The following PRKG1 variants were observed in gnomAD, a reference collection of about 807,000 sequenced individuals.
The protein encoded by PRKG1 is cGMP-dependent protein kinase 1.
A neutral mutation model predicts 88.1 loss-of-function variants in PRKG1; 35 were observed. That is an observed-to-expected ratio of 0.40 (90% confidence interval 0.30 to 0.53). The LOEUF (loss-of-function observed/expected upper bound fraction) is 0.53. PRKG1 is among the 20% of genes least tolerant of loss of function. The pLI is 0.59. For missense variants in PRKG1, 540 were observed against 839.8 expected (o/e 0.64, Z 4.41); for synonymous variants, 303 against 292.5 (o/e 1.04, Z -0.37).
chr10:51,342,652 T>C (rs1249962886), intron 2 of PRKG1, among the ~76,000 whole-genome samples: 1 of 152,180 alleles, frequency 6.6e-6, no homozygotes, highest in Non-Finnish European at 1.5e-5. Flanking sequence ...GAGTCACTTC[T>C]ATACTCTCCT....
Position 52,017,063 on chromosome 10 carries a change from T to C in PRKG1, c.763-37421T>C, listed in dbSNP as rs566804004. On this transcript the variant is annotated intron_variant, in intron 5 of 17. Transcript: ENST00000373980. ...GTTTGTCTGAGGAACAAAAAGAAGG[T>C]TATAGTGACTGAAAAAGAGGGAGTG... Among the ~76,000 whole-genome samples the C allele has an allele frequency of 1.1e-4, 16 of 152,116 alleles. No individual in the cohort carries two copies. The East Asian group carries it at 2.9e-3, about 28-fold the overall frequency.
intron 1 of PRKG1, among the ~76,000 whole-genome samples, chr10:51,087,689 T>G (rs958563145): frequency 6.6e-6 from 1 of 152,204 alleles, no homozygotes; most frequent in Non-Finnish European, 1.5e-5. Context: ...GCATTCTCTT[T>G]TAGAGACTAG....
At chr10:51,755,514 C>T (rs965609801) in intron 3 of PRKG1, among the ~76,000 whole-genome samples, 4 of 152,096 alleles carry the variant, frequency 2.6e-5, no homozygotes, top group African/African-American at 9.7e-5. Context: ...ACAAACAAAC[C>T]CAAGAATAGC....
chr10:51,876,476 G>C (rs876129), intron 4 of PRKG1, among the ~76,000 whole-genome samples: 52,704 of 152,014 alleles, frequency 0.35, 10,475 homozygotes, highest in African/African-American at 0.51. Flanking sequence ...AATTTTCCTA[G>C]GGTAGGTCTT....
At chr10:51,893,624 G>A (rs1227740059) in intron 4 of PRKG1, among the ~76,000 whole-genome samples, 1 of 152,118 alleles carries the variant, frequency 6.6e-6, no homozygotes, top group Non-Finnish European at 1.5e-5. Flanking sequence ...CCCACTACAT[G>A]GCATGCTCTA....
chr10:51,327,913 A>C (rs1263056748), intron 2 of PRKG1, among the ~76,000 whole-genome samples: 1 of 152,232 alleles, frequency 6.6e-6, no homozygotes, highest in Non-Finnish European at 1.5e-5. Context: ...GTATATATAC[A>C]TTGTGGAATG....
chr10:51,158,715 C>T (rs1029442722), intron 2 of PRKG1, among the ~76,000 whole-genome samples: 1 of 151,928 alleles, frequency 6.6e-6, no homozygotes, highest in African/African-American at 2.4e-5. Context: ...CCTCTGTGTC[C>T]TTATGGTTTA....
chr10:51,036,939 G>A (rs1352822150), intron 1 of PRKG1, among the ~76,000 whole-genome samples: 1 of 152,098 alleles, frequency 6.6e-6, no homozygotes, highest in Non-Finnish European at 1.5e-5. Context: ...ATATCAGAGA[G>A]GATGAATTCT....
intron 2 of PRKG1, among the ~76,000 whole-genome samples, chr10:51,395,977 A>C (rs1837566544): frequency 2.0e-5 from 3 of 152,230 alleles, no homozygotes; most frequent in Non-Finnish European, 4.4e-5. Context: ...ATGAAATTAT[A>C]TGTTAAAGAA....
chr10:52,196,748 T>G (rs1160226059), intron 9 of PRKG1, among the ~76,000 whole-genome samples: 4 of 152,136 alleles, frequency 2.6e-5, no homozygotes, highest in African/African-American at 9.7e-5. Context: ...AAGTAGATAA[T>G]AATTATATAA....
intron 3 of PRKG1, among the ~76,000 whole-genome samples, chr10:51,778,332 C>A (rs1481094220): frequency 1.3e-5 from 2 of 152,124 alleles, no homozygotes; most frequent in East Asian, 3.9e-4. Context: ...TGATCTCCTG[C>A]TCAATACTGA....
intron 5 of PRKG1, among the ~76,000 whole-genome samples, chr10:51,941,292 A>G (rs1122615): frequency 0.18 from 27,361 of 151,874 alleles, 3,395 homozygotes; most frequent in East Asian, 0.35. Context: ...CAACTATGAG[A>G]CTTAAGAAAT....
chr10:52,157,709 A>C (rs577030498), intron 8 of PRKG1, among the ~76,000 whole-genome samples: 6 of 151,566 alleles, frequency 4.0e-5, no homozygotes, highest in Admixed American at 1.3e-4. Context: ...CACCATTCTT[A>C]GTGTGTAAGA....
rs1271275011 is a variant in PRKG1 at position 52,267,847 on chromosome 10, C to G, written c.1174-3503C>G. Among the ~76,000 whole-genome samples, 3 of 152,008 alleles carry G rather than the reference C, an allele frequency of 2.0e-5. No homozygotes were observed. In the East Asian group the frequency reaches 5.8e-4, roughly 29 times the overall value. ...CCATAATTTATTTTTCAAGCTCCTC[C>G]TCTTGCTAGAAATTTAGATTGTTTC... On this transcript the variant is annotated intron_variant, in intron 10 of 17. Coordinates refer to ENST00000373980, the MANE Select transcript of PRKG1 (RefSeq NM_006258.4).
Position 52,166,878 on chromosome 10 carries a change from TATAC to T in PRKG1, c.1076+4917_1076+4920del, listed in dbSNP as rs1330879398. On this transcript the variant is annotated intron_variant, in intron 9 of 17. Coordinates refer to ENST00000373980, the MANE Select transcript of PRKG1 (RefSeq NM_006258.4). ...ATATATATATCTGTATATGTGTATG[TATAC>T]ACACACACACACACACACACACACA... Among the ~76,000 whole-genome samples, 4 of 34,786 alleles carry T rather than the reference TATAC, an allele frequency of 1.1e-4. 1 individual carries two copies. The South Asian group carries it at 7.5e-3, about 65-fold the overall frequency. The allele number at this position is 34,786 out of a possible 152,430, so 22.8% of individuals were successfully genotyped here.
chr10:52,083,649 A>G (rs1589591820), intron 7 of PRKG1, among the ~76,000 whole-genome samples: 1 of 152,218 alleles, frequency 6.6e-6, no homozygotes, highest in South Asian at 2.1e-4. Context: ...GTTTTCTGAC[A>G]GACGCAAGGG....
chr10:52,136,750 T>C (rs1357864830), intron 8 of PRKG1, among the ~76,000 whole-genome samples: 4 of 152,076 alleles, frequency 2.6e-5, no homozygotes, highest in African/African-American at 9.6e-5. Context: ...ACTAAATAAA[T>C]ATGCCCTTCC....
At chr10:51,528,657 C>T (rs1423393194) in intron 3 of PRKG1, among the ~76,000 whole-genome samples, 1 of 149,700 alleles carries the variant, frequency 6.7e-6, no homozygotes, top group Non-Finnish European at 1.5e-5. Flanking sequence ...GCACAGCTAT[C>T]CTTTCTTCTC....
At chr10:51,003,861 A>G (rs1254211111) in intron 1 of PRKG1, among the ~76,000 whole-genome samples, 1 of 152,180 alleles carries the variant, frequency 6.6e-6, no homozygotes, top group African/African-American at 2.4e-5. Context: ...GCTTAATAAT[A>G]GTACCTAGGC....
Sources: allele counts gnomAD v4.1 joint callset (sites outside exome capture counted in the v4.1 genomes callset), GRCh38; gene constraint gnomAD v4.1.1; transcripts MANE v1.5; gene names NCBI Gene and HGNC (gene_info 2026-07-23, HGNC 2026-07-21).